Variants in MTMR8 observed in about 807,000 individuals in gnomAD.
The protein encoded by MTMR8 is myotubularin related protein 8.
In MTMR8, 65 loss-of-function variants were observed where a neutral mutation model predicts 39.3. That is an observed-to-expected ratio of 1.65 (90% CI 1.35 to 2.03). MTMR8 has a LOEUF of 2.03. Among genes scored for constraint, MTMR8 ranks in the 30% most tolerant of loss-of-function variants. MTMR8 has a pLI of 0.00. For synonymous variants in MTMR8, 245 were observed against 185.2 expected, an observed-to-expected ratio of 1.32 and a Z score of -2.62; for missense variants, 777 against 538.9, an observed-to-expected ratio of 1.44 and a Z score of -4.37.
chrX:64,375,302 C>A (rs1415574031), intron 1 of MTMR8, among the ~76,000 whole-genome samples: 1 of 108,684 alleles, frequency 9.2e-6, no homozygotes, highest in African/African-American at 3.4e-5. Context: ...CTGCAGTGAG[C>A]TGAGAGCACA....
At chrX:64,329,243 T>C (rs1367615670) in intron 11 of MTMR8, among the ~76,000 whole-genome samples, 1 of 111,556 alleles carries the variant, frequency 9.0e-6, no homozygotes, top group Non-Finnish European at 1.9e-5. Context: ...AAATGTGACC[T>C]CTAAGTTATC....
At chrX:64,389,166 T>C (rs781014994) in intron 1 of MTMR8, among the ~76,000 whole-genome samples, 4 of 111,822 alleles carry the variant, frequency 3.6e-5, no homozygotes, top group Non-Finnish European at 7.5e-5. Flanking sequence ...CTTAGAATAG[T>C]ACCTGGCACA....
Position 64,287,962 on chromosome X carries a change from A to T in MTMR8, c.1482-16889T>A, listed in dbSNP as rs1357754829. Among the ~76,000 whole-genome samples the T allele has an allele frequency of 8.5e-5, 8 of 93,760 alleles. No homozygotes were observed. In the Admixed American group the frequency reaches 8.7e-4, roughly 10 times the overall value. 81.4% of individuals were successfully genotyped at this position (93,760 alleles called of 115,157 possible). On this transcript the variant is annotated intron_variant, in intron 12 of 13. Coordinates refer to ENST00000374852, the MANE Select transcript of MTMR8 (RefSeq NM_017677.4). The stretch of plus-strand genomic sequence containing the variant: ...AATGTCAACAAAAGCCAAAATTGAC[A>T]AATGGGATCTAATTAAACTAAAGAG...
intron 8 of MTMR8, among the ~76,000 whole-genome samples, chrX:64,343,324 T>A (rs1330066362): frequency 8.9e-6 from 1 of 111,936 alleles, no homozygotes; most frequent in Non-Finnish European, 1.9e-5. Flanking sequence ...TGTATCATCA[T>A]ATGTTCATTT....
chrX:64,309,275 T>C (rs1290889823), intron 12 of MTMR8, among the ~76,000 whole-genome samples: 1 of 112,043 alleles, frequency 8.9e-6, no homozygotes, highest in Non-Finnish European at 1.9e-5. Context: ...TTCTTTGATT[T>C]CATCAGATTT....
Position 64,337,259 on chromosome X carries a change from C to T in MTMR8, c.1101+9G>A, listed in dbSNP as rs1923101763. 8.3e-7 allele frequency: 1 copy of T among 1,203,821 alleles called. No homozygotes were observed. The highest frequency in any genetic ancestry group is 1.7e-5 in the African/African-American group (1 of 57,526). ...ACACAAAGTAAAATATAGTAGCGTG[C>T]TCTCTTACCATGAGTCCTTTGAATG... On this transcript the variant is annotated intron_variant, in intron 9 of 13. Transcript: ENST00000374852.
chrX:64,269,394 A>G (rs1931705872), intron 13 of MTMR8, among the ~76,000 whole-genome samples: 1 of 111,703 alleles, frequency 9.0e-6, no homozygotes, highest in African/African-American at 3.2e-5. Flanking sequence ...CCTTATAATA[A>G]ACCTATTAGT....
At chrX:64,289,756 C>T (rs1167499153) in intron 12 of MTMR8, among the ~76,000 whole-genome samples, 5 of 110,190 alleles carry the variant, frequency 4.5e-5, no homozygotes, top group African/African-American at 1.3e-4. Flanking sequence ...AACCCAACGT[C>T]CACTGCCAGA....
intron 1 of MTMR8, among the ~76,000 whole-genome samples, chrX:64,385,437 G>C (rs893542259): frequency 8.9e-6 from 1 of 111,962 alleles, no homozygotes. Context: ...TATCTTTATA[G>C]TAATGCCCCA....
intron 12 of MTMR8, among the ~76,000 whole-genome samples, chrX:64,327,542 G>T (rs940746131): frequency 8.9e-6 from 1 of 112,199 alleles, no homozygotes; most frequent in Non-Finnish European, 1.9e-5. Flanking sequence ...TGCTGACAAG[G>T]ATGTGGAAAA....
intron 1 of MTMR8, among the ~76,000 whole-genome samples, chrX:64,367,529 T>C (rs750590606): frequency 8.9e-6 from 1 of 112,117 alleles, no homozygotes; most frequent in East Asian, 2.8e-4. Flanking sequence ...TCTCAATAGA[T>C]GCAGAAAAGG....
intron 12 of MTMR8, among the ~76,000 whole-genome samples, chrX:64,290,418 G>T (rs746023008): frequency 9.1e-6 from 1 of 109,988 alleles, no homozygotes; most frequent in Non-Finnish European, 1.9e-5. Flanking sequence ...CTGACCAGAT[G>T]CACATTAAAC....
At chrX:64,298,592 C>A (rs1483128872) in intron 12 of MTMR8, among the ~76,000 whole-genome samples, 1 of 92,779 alleles carries the variant, frequency 1.1e-5, no homozygotes, top group Admixed American at 1.0e-4. Context: ...TCTAATTGCC[C>A]TGGCCAGAAC....
In MTMR8 at chrX:64,395,374, C is replaced by A; in HGVS notation, c.-11G>T. ...CGTAATATGATCCATGACTGCAGTT[C>A]CCGCCACCGGAAGATCTCAGTGCTA... On this transcript the variant is annotated 5_prime_UTR_variant, in exon 1 of 14. Coordinates refer to ENST00000374852, the MANE Select transcript of MTMR8 (RefSeq NM_017677.4). 3 of 1,209,094 alleles carry A rather than the reference C, an allele frequency of 2.5e-6. No homozygotes were observed. The South Asian group carries it at 5.3e-5, about 21-fold the overall frequency.
At chrX:64,392,204 C>T (rs745961240) in intron 1 of MTMR8, among the ~76,000 whole-genome samples, 159 of 111,529 alleles carry the variant, frequency 1.4e-3, no homozygotes, top group Non-Finnish European at 2.3e-3. Flanking sequence ...GCATATTCTA[C>T]GGCCCAGAAA....
At chrX:64,376,381 T>C (rs747673058) in intron 1 of MTMR8, among the ~76,000 whole-genome samples, 3 of 111,774 alleles carry the variant, frequency 2.7e-5, no homozygotes, top group African/African-American at 6.5e-5. Context: ...GACAATAAAG[T>C]CCAGGCTGAG....
At chrX:64,304,858 ATT>A (rs1208286018) in intron 12 of MTMR8, among the ~76,000 whole-genome samples, 2 of 43,252 alleles carry the variant, frequency 4.6e-5, no homozygotes, top group Non-Finnish European at 8.0e-5. Context: ...TGGATCAAAC[ATT>A]TATATATATA....
chrX:64,333,489 G>T (rs1409886897), intron 10 of MTMR8, among the ~76,000 whole-genome samples: 1 of 111,830 alleles, frequency 8.9e-6, no homozygotes, highest in Non-Finnish European at 1.9e-5. Context: ...CGTTTGGACT[G>T]GAACTTTCAC....
chrX:64,296,375 T>C (rs1355366254), intron 12 of MTMR8, among the ~76,000 whole-genome samples: 3 of 110,222 alleles, frequency 2.7e-5, no homozygotes, highest in Non-Finnish European at 5.7e-5. Flanking sequence ...GATGAAAGAG[T>C]TCTGGAAATG....
Sources: allele counts gnomAD v4.1 joint callset (sites outside exome capture counted in the v4.1 genomes callset), GRCh38; gene constraint gnomAD v4.1.1; transcripts MANE v1.5; gene names NCBI Gene and HGNC (gene_info 2026-07-23, HGNC 2026-07-21).